The following JMJD1C variants were observed in gnomAD, a reference collection of about 807,000 sequenced individuals.
The protein encoded by JMJD1C is jumonji domain containing 1C, also known as jumonji domain-containing protein 1C.
JMJD1C carries 31 observed loss-of-function variants against 245.3 expected under a neutral mutation model. The ratio of observed to expected loss-of-function variants is 0.13; its 90% CI spans 0.09 to 0.17. The LOEUF is 0.17. JMJD1C is among the 10% of genes least tolerant of loss of function. The probability of loss-of-function intolerance (pLI) is 1.00; values close to 1 mark genes in which losing one functional copy is unlikely to be tolerated. For missense variants in JMJD1C, 2,691 were observed against 3,000.2 expected (o/e 0.90, Z 2.41); for synonymous variants, 1,057 against 1,017.4 (o/e 1.04, Z -0.74).
chr10:63,268,726 CAGTA>C (rs1855932792), intron 2 of JMJD1C: 5 of 984,884 alleles, frequency 5.1e-6, no homozygotes, highest in African/African-American at 3.5e-5. Context: ...CTTTAAAGGT[CAGTA>C]AGTATTTGCT....
At chr10:63,330,021 C>A (rs1307261489) in intron 2 of JMJD1C, among the ~76,000 whole-genome samples, 1 of 152,212 alleles carries the variant, frequency 6.6e-6, no homozygotes, top group Non-Finnish European at 1.5e-5. Flanking sequence ...GTGTCTCAGC[C>A]TCCCGAGTAG....
intron 2 of JMJD1C, among the ~76,000 whole-genome samples, chr10:63,309,241 C>A (rs1227587789): frequency 6.6e-6 from 1 of 151,960 alleles, no homozygotes; most frequent in Non-Finnish European, 1.5e-5. Flanking sequence ...GCCTGTAACC[C>A]CAGCACTTTG....
intron 2 of JMJD1C, among the ~76,000 whole-genome samples, chr10:63,348,961 C>T (rs1302128383): frequency 6.6e-6 from 1 of 151,668 alleles, no homozygotes; most frequent in Non-Finnish European, 1.5e-5. Context: ...ATTAGCCAGG[C>T]GTGGTGGCAG....
At chr10:63,181,796 C>G (rs1235066073) in intron 22 of JMJD1C, among the ~76,000 whole-genome samples, 1 of 152,154 alleles carries the variant, frequency 6.6e-6, no homozygotes, top group East Asian at 1.9e-4. Flanking sequence ...AGGGAAAGAT[C>G]TGAACAAACT....
chr10:63,318,279 A>C (rs1332412514), intron 2 of JMJD1C, among the ~76,000 whole-genome samples: 1 of 152,130 alleles, frequency 6.6e-6, no homozygotes. Context: ...GGCCTCCCAA[A>C]GTGTTGGCAT....
At chr10:63,465,134 C>T (rs1953111963) in intron 1 of JMJD1C, 1 of 299,636 alleles carries the variant, frequency 3.3e-6, no homozygotes, top group Non-Finnish European at 6.2e-6. Context: ...GAGTGGTCCG[C>T]CCCCTACCCC....
At chr10:63,256,890 A>G (rs1385515912) in intron 3 of JMJD1C, among the ~76,000 whole-genome samples, 1 of 152,236 alleles carries the variant, frequency 6.6e-6, no homozygotes, top group Non-Finnish European at 1.5e-5. Context: ...GTCAGGGAGT[A>G]ACTGGGAATG....
At chr10:63,202,871 T>C (rs1346134515) in intron 10 of JMJD1C, 26 of 977,082 alleles carry the variant, frequency 2.7e-5, no homozygotes, top group Non-Finnish European at 3.0e-5. Flanking sequence ...CACTTGCTTC[T>C]AATCATCTAT....
intron 8 of JMJD1C, among the ~76,000 whole-genome samples, chr10:63,210,781 C>G (rs1847219496): frequency 6.6e-6 from 1 of 152,156 alleles, no homozygotes; most frequent in Non-Finnish European, 1.5e-5. Context: ...ACTTGGGTCA[C>G]CAGGCCTGCT....
At chr10:63,345,624 T>C (rs1943750096) in intron 2 of JMJD1C, among the ~76,000 whole-genome samples, 1 of 151,934 alleles carries the variant, frequency 6.6e-6, no homozygotes, top group Admixed American at 6.6e-5. Context: ...ATTTATACAA[T>C]GATCTGAAAA....
chr10:63,513,117 C>T (rs1162144932), intron 1 of JMJD1C, among the ~76,000 whole-genome samples: 1 of 151,758 alleles, frequency 6.6e-6, no homozygotes, highest in Non-Finnish European at 1.5e-5. Context: ...CATGTTAATC[C>T]TATATTTTTT....
intron 3 of JMJD1C, chr10:63,222,437 G>T: frequency 1.1e-6 from 1 of 920,324 alleles, no homozygotes; most frequent in Non-Finnish European, 1.8e-6. Context: ...TTACTTAAAG[G>T]AGTTGCTAAA....
At chr10:63,458,215 T>A (rs967802122) in intron 1 of JMJD1C, among the ~76,000 whole-genome samples, 1 of 152,194 alleles carries the variant, frequency 6.6e-6, no homozygotes, top group African/African-American at 2.4e-5. Flanking sequence ...CTGGATGCCA[T>A]GGCTCACACC....
intron 1 of JMJD1C, among the ~76,000 whole-genome samples, chr10:63,503,506 ATG>A (rs1954624944): frequency 8.7e-6 from 1 of 114,304 alleles, no homozygotes; most frequent in South Asian, 3.4e-4. Context: ...TGGATCTAAC[ATG>A]TGAGTTTCTG....
chr10:63,274,469 G>A (rs186004041), intron 2 of JMJD1C, among the ~76,000 whole-genome samples: 229 of 152,184 alleles, frequency 1.5e-3, no homozygotes, highest in Non-Finnish European at 1.0e-3. Context: ...GGAGGCTGAG[G>A]TGGGAGGATC....
chr10:63,291,070 G>A (rs1359841238), intron 2 of JMJD1C, among the ~76,000 whole-genome samples: 1 of 152,014 alleles, frequency 6.6e-6, no homozygotes. Flanking sequence ...ACTTTGAGAG[G>A]CCGAGGTGGG....
chr10:63,231,972 G>A (rs1850075652), intron 3 of JMJD1C, among the ~76,000 whole-genome samples: 1 of 151,966 alleles, frequency 6.6e-6, no homozygotes, highest in African/African-American at 2.4e-5. Context: ...TGAGTAGCTG[G>A]GATTACAGGC....
intron 3 of JMJD1C, among the ~76,000 whole-genome samples, chr10:63,264,186 A>C (rs1378292426): frequency 6.6e-6 from 1 of 152,022 alleles, no homozygotes; most frequent in Admixed American, 6.6e-5. Flanking sequence ...GGAGAACTGA[A>C]ATTTATATAT....
At chr10:63,307,179 TA>T (rs899773897) in intron 2 of JMJD1C, among the ~76,000 whole-genome samples, 17 of 148,028 alleles carry the variant, frequency 1.1e-4, no homozygotes, top group Non-Finnish European at 9.0e-5. Context: ...ACTGTCTCTT[TA>T]AAAAAAAAAA....
Sources: allele counts gnomAD v4.1 joint callset (sites outside exome capture counted in the v4.1 genomes callset), GRCh38; gene constraint gnomAD v4.1.1; transcripts MANE v1.5; gene names NCBI Gene and HGNC (gene_info 2026-07-23, HGNC 2026-07-21).